The following TWNK variants were observed in gnomAD, a reference collection of about 807,000 sequenced individuals.
TWNK encodes twinkle mtDNA helicase, also known as T7 gp4-like protein with intramitochondrial nucleoid localization.
TWNK carries 36 observed loss-of-function variants against 58.2 expected under a neutral mutation model. That is an observed-to-expected ratio of 0.62 (90% CI 0.47 to 0.82). TWNK has a LOEUF of 0.82. TWNK is among the 40% of genes least tolerant of loss of function. TWNK has a pLI of 0.00. For missense variants in TWNK, 714 were observed against 881.0 expected (o/e 0.81, Z 2.40); for synonymous variants, 349 against 348.5 (o/e 1.00, Z -0.02).
chr10:100,993,363 C>G lies in TWNK; in HGVS notation c.1908C>G (p.Ala636=), dbSNP rs1377710654. ...LTFSIPPKNK[A]RLKKIKDDTG... The stretch of plus-strand genomic sequence containing the variant: ...TCTCCATTCCACCAAAGAACAAGGC[C>G]CGGCTCAAGAAGATCAAGGATGACA... Residue 636 remains alanine (A), a synonymous_variant, in exon 5 of 5, where the codon GCC becomes GCG. Coordinates refer to ENST00000311916, the MANE Select transcript of TWNK (RefSeq NM_021830.5). 1 of 1,614,176 alleles carries G rather than the reference C, an allele frequency of 6.2e-7. No homozygotes were observed. Among genetic ancestry groups the G allele is most frequent in the South Asian group, 1.1e-5 (1 of 91,078 alleles).
Position 100,993,640 on chromosome 10 carries a change from C to T in TWNK, c.*130C>T, listed in dbSNP as rs1732593927. ...TCAGTCTGAGGGGCCTAACCTAGAG[C>T]AGGTTTCCATAGTGAGAAAATTCAA... On this transcript the variant is annotated 3_prime_UTR_variant, in exon 5 of 5. Transcript: ENST00000311916. 9.6e-7 allele frequency: 1 copy of T among 1,042,616 alleles called. No individual in the cohort carries two copies. Among genetic ancestry groups the T allele is most frequent in the African/African-American group, 1.6e-5 (1 of 62,718 alleles). 64.6% of individuals were successfully genotyped at this position (1,042,616 alleles called of 1,614,324 possible). A position where few individuals can be genotyped will look rare whatever the true frequency, so the allele number is the denominator to read the frequency against.
Position 100,993,471 on chromosome 10 carries a change from C to A in TWNK, c.2016C>A (p.Pro672=). The A allele has an allele frequency of 1.9e-6, 3 of 1,614,180 alleles. No homozygotes were observed. Among genetic ancestry groups the A allele is most frequent in the African/African-American group, 1.3e-5 (1 of 75,052 alleles). ...CTGAGATTTGCTCAGGCCAGGCCCC[C>A]ACTCCCGACCAGCCAGACACCTCCA... ...QNSEICSGQA[P]TPDQPDTSKR... is the part of the protein sequence containing the mutation. Residue 672 remains proline, a synonymous_variant, in exon 5 of 5, where the codon CCC becomes CCA. Coordinates refer to ENST00000311916, the MANE Select transcript of TWNK (RefSeq NM_021830.5).
intron 3 of TWNK, 137 bp downstream of exon 3, chr10:100,990,680 T>C (rs932290012): frequency 6.9e-6 from 11 of 1,598,966 alleles, no homozygotes; most frequent in Non-Finnish European, 8.5e-6. Flanking sequence ...ACCACCCCCA[T>C]GTGTATCATA....
Position 100,993,927 on chromosome 10 carries a change from C to G in TWNK, c.*417C>G, listed in dbSNP as rs536129043. ...GAGCCGAGGGCATGTGAGCTGGGGC[C>G]TAAACAACTAGAAGGAGAGAGCCAC... is the stretch of plus-strand genomic sequence containing the variant. On this transcript the variant is annotated 3_prime_UTR_variant, in exon 5 of 5. Transcript: ENST00000311916. The G allele has an allele frequency of 9.7e-6, 2 of 205,720 alleles. No individual in the cohort carries two copies. Among genetic ancestry groups the G allele is most frequent in the East Asian group, 2.5e-4 (2 of 7,958 alleles). 12.7% of individuals were successfully genotyped at this position (205,720 alleles called of 1,614,324 possible).
chr10:100,993,149 C>T (rs1467353059), intron 4 of TWNK, 41 bp from the exon 5 acceptor site: 2 of 1,606,010 alleles, frequency 1.2e-6, no homozygotes, highest in African/African-American at 2.7e-5. Context: ...TGCTCATGTC[C>T]TCTTACTCCT....
chr10:100,992,529 A>AC (rs1851810766), intron 4 of TWNK, among the ~76,000 whole-genome samples: 1 of 40,320 alleles, frequency 2.5e-5, no homozygotes, highest in Non-Finnish European at 9.9e-5. Flanking sequence ...CCCTGTCTTT[A>AC]AAAAAAAAAA....
intron 2 of TWNK, among the ~76,000 whole-genome samples, 158 bp downstream of exon 2, chr10:100,990,042 G>T (rs763343905): frequency 4.6e-5 from 7 of 152,178 alleles, no homozygotes; most frequent in African/African-American, 1.7e-4. Flanking sequence ...ACTGGCTCAC[G>T]CCTGTAATCC....
At position 100,989,845 on chromosome 10, in the gene TWNK, C is replaced by T; in HGVS notation, c.1445C>T (p.Pro482Leu). Reference sequence around the variant, plus strand: ...TGGGCTGACCGCTTTGAGGACCTGCCCCTCTATTTCATGACTTTCCATGGA... The same window carrying T: ...TGGGCTGACCGCTTTGAGGACCTGCTCCTCTATTTCATGACTTTCCATGGA... Reference protein sequence around the residue: ...DHWADRFEDLPLYFMTFHGQQ... With the variant: ...DHWADRFEDLLLYFMTFHGQQ... The change falls in exon 2 of 5, where the codon CCC (proline) becomes CTC (leucine). Residue 482 changes from proline to leucine, a missense_variant. Pro to Leu is a moderately conservative substitution (Grantham distance 98, BLOSUM62 -3). Coordinates refer to ENST00000311916, the MANE Select transcript of TWNK (RefSeq NM_021830.5). This position sits in a 1 kb window ranked among gnomAD's most constrained non-coding sequence, Gnocchi z 7.6. The T allele has an allele frequency of 6.2e-7, 1 of 1,614,188 alleles. No individual in the cohort carries two copies. Among genetic ancestry groups the T allele is most frequent in the South Asian group, 1.1e-5 (1 of 91,082 alleles).
rs1419235505 is a variant in TWNK, at chr10:100,988,250, T to C, written c.40T>C (p.Leu14=). Residue 14 remains leucine (L), a synonymous_variant, in exon 1 of 5, where the codon TTG becomes CTG. Coordinates refer to ENST00000311916, the MANE Select transcript of TWNK (RefSeq NM_021830.5). The surrounding 1 kb of genome is among the most constrained non-coding windows in gnomAD (Gnocchi z 5.2). ...CCGAAGTGGGTACCCCCTCCGTATCTTGTTACCCCTGCGTGGGGAGTGGAT... is the reference window on the plus strand; with the variant it reads ...CCGAAGTGGGTACCCCCTCCGTATCCTGTTACCCCTGCGTGGGGAGTGGAT... ...LLRSGYPLRI[L]LPLRGEWMGR... is the part of the protein sequence containing the mutation. 1 of 1,614,164 alleles carries C rather than the reference T, an allele frequency of 6.2e-7. No homozygotes were observed. The highest frequency in any genetic ancestry group is 8.5e-7 in the Non-Finnish European group (1 of 1,180,040).
intron 2 of TWNK, 76 bp from the exon 3 acceptor site, chr10:100,990,359 GT>G: frequency 3.8e-6 from 4 of 1,046,640 alleles, no homozygotes; most frequent in Middle Eastern, 2.0e-4. Flanking sequence ...AGCCAAGAGA[GT>G]TTTCAGGATG....
At position 100,988,862 on chromosome 10, in the gene TWNK, G is replaced by A; in HGVS notation, c.652G>A (p.Gly218Ser). ...WFSPGGSGLRGLKLLEAKCQG... is the reference protein window; with the variant it reads ...WFSPGGSGLRSLKLLEAKCQG... ...CTCCCCTGGGGGCTCAGGATTACGA[G>A]GCCTGAAGCTCCTAGAGGCTAAATG... The change falls in exon 1 of 5, where the codon GGC becomes AGC. Residue 218 changes from glycine to serine, a missense_variant. Transcript: ENST00000311916. This position sits in a 1 kb window ranked among gnomAD's most constrained non-coding sequence, Gnocchi z 5.2. 1 of 1,614,178 alleles carries A rather than the reference G, an allele frequency of 6.2e-7. No individual in the cohort carries two copies.
intron 4 of TWNK, among the ~76,000 whole-genome samples, chr10:100,992,753 G>T (rs940566907): frequency 5.9e-5 from 9 of 151,896 alleles, no homozygotes; most frequent in African/African-American, 1.7e-4. Context: ...TTTGGTCATG[G>T]GGGGAAGTAC....
intron 4 of TWNK, among the ~76,000 whole-genome samples, chr10:100,992,012 G>A (rs971992682): frequency 1.4e-5 from 2 of 147,516 alleles, no homozygotes; most frequent in South Asian, 2.1e-4. Flanking sequence ...GTGAGACTCC[G>A]TCTCAAAAAA....
Position 100,988,899 on chromosome 10 carries a change from G to T in TWNK, c.689G>T (p.Gly230Val), listed in dbSNP as rs142978552. 75 of 1,614,090 alleles carry T rather than the reference G, an allele frequency of 4.6e-5. No individual in the cohort carries two copies. The African/African-American group carries it at 9.2e-4, about 20-fold the overall frequency. The change falls in exon 1 of 5, where the codon GGA (glycine) becomes GTA (valine). Residue 230 changes from glycine (G) to valine (V), a missense_variant. Gly to Val is a moderately radical substitution (Grantham distance 109). Around this residue, in one of 3 missense-constraint regions of TWNK, gnomAD observed 348 missense variants for 388.4 expected, o/e 0.90. Transcript: ENST00000311916. The surrounding 1 kb of genome is among the most constrained non-coding windows in gnomAD (Gnocchi z 5.2). ...CTAGAGGCTAAATGCCAGGGGGATG[G>T]AGTGAGCTACGAGGAAACCACTATT... Reference protein sequence around the residue: ...KLLEAKCQGDGVSYEETTIPR... With the variant: ...KLLEAKCQGDVVSYEETTIPR...
rs1851844454 is a variant in TWNK, at chr10:100,993,514, C to T, written c.*4C>T. ...CACCTCCAAGCGTTCAAAGTGAAGG[C>T]CGTGCAGAGCTGGTCACTGAAATGA... On this transcript the variant is annotated 3_prime_UTR_variant, in exon 5 of 5. Coordinates refer to ENST00000311916, the MANE Select transcript of TWNK (RefSeq NM_021830.5). 6.2e-7 allele frequency: 1 copy of T among 1,614,048 alleles called. No individual in the cohort carries two copies. Among genetic ancestry groups the T allele is most frequent in the African/African-American group, 1.3e-5 (1 of 75,056 alleles).
At chr10:100,992,207 T>TG (rs1851797398) in intron 4 of TWNK, among the ~76,000 whole-genome samples, 1 of 60,550 alleles carries the variant, frequency 1.7e-5, no homozygotes, top group African/African-American at 9.4e-5. Context: ...GACCCTATCT[T>TG]TTTTTTTTTT....
intron 4 of TWNK, 186 bp downstream of exon 4, chr10:100,991,196 C>T: frequency 2.4e-6 from 2 of 820,460 alleles, no homozygotes; most frequent in South Asian, 1.8e-5. Flanking sequence ...GGTTCTTATG[C>T]TCTTCTTGTC....
chr10:100,990,129 C>T (rs1851728147), intron 2 of TWNK, among the ~76,000 whole-genome samples: 2 of 152,054 alleles, frequency 1.3e-5, no homozygotes, highest in African/African-American at 2.4e-5. Context: ...TATAGGGAGA[C>T]CACCCCTCTC....
At position 100,993,413 on chromosome 10, in the gene TWNK, C is replaced by T. The variant is rs775046032; in HGVS notation, c.1958C>T (p.Ser653Phe). The change falls in exon 5 of 5, where the codon TCT becomes TTT. Residue 653 changes from serine (S) to phenylalanine (F), a missense_variant. By Grantham distance (155) the Ser-to-Phe change is radical. Coordinates refer to ENST00000311916, the MANE Select transcript of TWNK (RefSeq NM_021830.5). ...ACTGGACCAGTGGCCAAAAAGCCCTCTTCTGGCAAAAAGGGGGCTACGACA... is the reference window on the plus strand; with the variant it reads ...ACTGGACCAGTGGCCAAAAAGCCCTTTTCTGGCAAAAAGGGGGCTACGACA... Reference protein sequence around the residue: ...DDTGPVAKKPSSGKKGATTQN... With the variant: ...DDTGPVAKKPFSGKKGATTQN... The T allele has an allele frequency of 4.5e-5, 73 of 1,614,096 alleles. No homozygotes were observed. Among genetic ancestry groups the T allele is most frequent in the Non-Finnish European group, 5.8e-5 (69 of 1,180,046 alleles).
Sources: gnomAD v4.1 joint callset for allele counts (sites outside exome capture counted in the v4.1 genomes callset) on GRCh38, gnomAD v4.1.1 for gene constraint, gnomAD v4.1.1 regional missense constraint, Gnocchi (gnomAD v3.1) non-coding constraint, MANE v1.5 for transcripts, NCBI Gene and HGNC (gene_info 2026-07-23, HGNC 2026-07-21) for gene names.